SP140L: variants seen among roughly 807,000 people sequenced by gnomAD.
SP140L encodes SP140 like nuclear body protein, also known as nuclear body protein SP140-like protein.
Under a neutral mutation model 84.3 loss-of-function variants are expected in SP140L, and 64 were observed. That is an observed-to-expected ratio of 0.76 (90% CI 0.62 to 0.94). The LOEUF is 0.94. SP140L is among the 40% of genes least tolerant of loss of function. The pLI is 0.00. For synonymous variants in SP140L, 242 were observed against 236.9 expected (o/e 1.02, Z -0.20); for missense variants, 628 against 692.5 (o/e 0.91, Z 1.05).
chr2:230,371,094 G>A, intron 6 of SP140L, 127 bp downstream of exon 6: 1 of 765,438 alleles, frequency 1.3e-6, no homozygotes, highest in Non-Finnish European at 2.2e-6. Flanking sequence ...CCAAGCCTTT[G>A]GGGAACTGCA....
intron 2 of SP140L, among the ~76,000 whole-genome samples, chr2:230,343,338 G>A (rs2060116612): frequency 1.4e-5 from 2 of 147,714 alleles, no homozygotes; most frequent in African/African-American, 5.0e-5. Context: ...GTGGTGTTTG[G>A]TTTTCTGTTC....
rs1339770236 is a variant in SP140L at position 230,338,941 on chromosome 2, A to G, written c.107+10110A>G. Among the ~76,000 whole-genome samples the G allele has an allele frequency of 1.2e-4, 17 of 140,286 alleles. No homozygotes were observed. The South Asian group carries it at 3.9e-3, about 32-fold the overall frequency. The allele number at this position is 140,286 out of a possible 152,430, so 92.0% of individuals were successfully genotyped here. A position where few individuals can be genotyped will look rare whatever the true frequency, so the allele number is the denominator to read the frequency against. ...TTTTGCATCAATGTTCATCAAGGAT[A>G]TTGGTCTAAAATTCTCTTTTTTTGT... On this transcript the variant is annotated intron_variant, in intron 2 of 18. Coordinates refer to ENST00000415673, the MANE Select transcript of SP140L (RefSeq NM_138402.6).
chr2:230,327,552 T>C (rs2059613242), intron 1 of SP140L, among the ~76,000 whole-genome samples: 1 of 152,198 alleles, frequency 6.6e-6, no homozygotes, highest in Non-Finnish European at 1.5e-5. Context: ...AAACTACTGC[T>C]CAGCTGGCGG....
intron 14 of SP140L, chr2:230,399,729 T>C (rs555538802): frequency 6.3e-6 from 1 of 159,740 alleles, no homozygotes; most frequent in Non-Finnish European, 1.4e-5. Flanking sequence ...TTCCATCATA[T>C]GTAATTCTCT....
intron 2 of SP140L, among the ~76,000 whole-genome samples, chr2:230,341,867 G>C (rs376328827): frequency 6.6e-6 from 1 of 151,928 alleles, no homozygotes; most frequent in Non-Finnish European, 1.5e-5. Context: ...CTCCAGCTGC[G>C]TGCTGGGAGA....
At chr2:230,354,885 G>GAAAGAAAGAAAGAAAGAAAGAAAGAA (rs1247953230) in intron 2 of SP140L, among the ~76,000 whole-genome samples, 3 of 124,408 alleles carry the variant, frequency 2.4e-5, no homozygotes, top group Non-Finnish European at 5.3e-5. Context: ...AAGAAAGAAA[G>GAAAGAAAGAAAGAAAGAAAGAAAGAA]AAAGAAAGAA....
At chr2:230,393,393 C>T in intron 12 of SP140L, 21 bp from the exon 13 acceptor site, 1 of 1,576,984 alleles carries the variant, frequency 6.3e-7, no homozygotes, top group South Asian at 1.2e-5. Context: ...GACTATGTAC[C>T]TTGGTCTTTT....
rs555678616 is a variant in SP140L, at chr2:230,390,432, G to C, written c.964+409G>C. 1.3e-4 allele frequency among the ~76,000 whole-genome samples: 20 copies of C among 152,342 alleles called. No homozygotes were observed. In the South Asian group the frequency reaches 3.7e-3, roughly 28 times the overall value. On this transcript the variant is annotated intron_variant, in intron 11 of 18. Transcript: ENST00000415673. ...CAGGTTTTAACATTAGGAAGCCTGAGTTCCAGCCTTGGCTGTGCCAGGAAT... is the reference window on the plus strand; with the variant it reads ...CAGGTTTTAACATTAGGAAGCCTGACTTCCAGCCTTGGCTGTGCCAGGAAT...
chr2:230,328,789 A>T lies in SP140L; in HGVS notation c.65A>T (p.Asn22Ile). 1 of 1,612,994 alleles carries T rather than the reference A, an allele frequency of 6.2e-7. No individual in the cohort carries two copies. The highest frequency in any genetic ancestry group is 8.5e-7 in the Non-Finnish European group (1 of 1,179,344). ...GLNGGVSQVA[N>I]EMNHLPAHSQ... is the part of the protein sequence containing the mutation. ...AACGGAGGTGTTTCACAAGTAGCAA[A>T]TGAGATGAACCATCTTCCTGCACAC... The change falls in exon 2 of 19, where the codon AAT (asparagine) becomes ATT (isoleucine). Residue 22 changes from asparagine to isoleucine, a missense_variant. Around this residue, in one of 4 missense-constraint regions of SP140L, gnomAD observed 525 missense variants for 518.4 expected, o/e 1.01. Coordinates refer to ENST00000415673, the MANE Select transcript of SP140L (RefSeq NM_138402.6).
chr2:230,347,142 T>C (rs879198300), intron 2 of SP140L, among the ~76,000 whole-genome samples: 1 of 152,230 alleles, frequency 6.6e-6, no homozygotes, highest in Admixed American at 6.5e-5. Flanking sequence ...GATTATTGCC[T>C]GTGCTCTGGT....
intron 2 of SP140L, among the ~76,000 whole-genome samples, chr2:230,329,548 C>T (rs1369598931): frequency 1.3e-5 from 2 of 152,168 alleles, no homozygotes; most frequent in African/African-American, 2.4e-5. Flanking sequence ...ATCATGGGGG[C>T]AGCTTCTCCC....
At chr2:230,399,878 C>G (rs1383270340) in intron 14 of SP140L, 1 of 351,610 alleles carries the variant, frequency 2.8e-6, no homozygotes, top group African/African-American at 2.0e-5. Context: ...GCTAGGCTTT[C>G]TGTGTCATAA....
Position 230,357,795 on chromosome 2 carries a change from T to C in SP140L, c.108-10T>C. 2.5e-6 allele frequency: 4 copies of C among 1,594,762 alleles called. No individual in the cohort carries two copies. Among genetic ancestry groups the C allele is most frequent in the Non-Finnish European group, 3.4e-6 (4 of 1,173,420 alleles). ...GATGACCATTTTCATTTGGTGTCCT[T>C]TTTCCTTAGGCTGTTCACGGAAGAC... On this transcript the variant is annotated splice_polypyrimidine_tract_variant and intron_variant, in intron 2 of 18. Transcript: ENST00000415673.
At chr2:230,355,220 T>C (rs1024639774) in intron 2 of SP140L, among the ~76,000 whole-genome samples, 1 of 152,190 alleles carries the variant, frequency 6.6e-6, no homozygotes, top group Non-Finnish European at 1.5e-5. Flanking sequence ...AGGAAATCTA[T>C]AAATACTTTA....
intron 2 of SP140L, among the ~76,000 whole-genome samples, chr2:230,354,926 A>AAAAAAG (rs911512002): frequency 9.9e-5 from 15 of 150,784 alleles, no homozygotes; most frequent in Non-Finnish European, 1.8e-4. Flanking sequence ...AAAAAGAAAG[A>AAAAAAG]AAAAAGAAAA....
At chr2:230,366,764 CACTCTGT>C (rs2060890986) in intron 5 of SP140L, among the ~76,000 whole-genome samples, 1 of 147,366 alleles carries the variant, frequency 6.8e-6, no homozygotes, top group South Asian at 2.2e-4. Flanking sequence ...GACAGAGTCT[CACTCTGT>C]CACCCAGGCT....
At chr2:230,402,751 C>A in intron 18 of SP140L, 47 bp from the exon 19 acceptor site, 1 of 1,413,064 alleles carries the variant, frequency 7.1e-7, no homozygotes, top group South Asian at 1.2e-5. Context: ...TATCTAATGA[C>A]ACTAATGATA....
chr2:230,376,332 C>A (rs543721014), intron 7 of SP140L, among the ~76,000 whole-genome samples: 1 of 152,252 alleles, frequency 6.6e-6, no homozygotes, highest in East Asian at 1.9e-4. Context: ...GTGACATTAT[C>A]TTCTACGTAG....
intron 9 of SP140L, among the ~76,000 whole-genome samples, chr2:230,387,675 C>T (rs2061642123): frequency 6.6e-6 from 1 of 152,194 alleles, no homozygotes; most frequent in South Asian, 2.1e-4. Context: ...GAACATTTTG[C>T]TTTCCTGCTT....
Sources: allele counts gnomAD v4.1 joint callset (sites outside exome capture counted in the v4.1 genomes callset), GRCh38; gene constraint gnomAD v4.1.1; regional missense constraint gnomAD v4.1.1; transcripts MANE v1.5; gene names NCBI Gene and HGNC (gene_info 2026-07-23, HGNC 2026-07-21).